CNTNAP2: variants seen among roughly 807,000 people sequenced by gnomAD.
The protein encoded by CNTNAP2 is contactin associated protein 2, also known as contactin-associated protein-like 2.
Under a neutral mutation model 155.2 loss-of-function variants are expected in CNTNAP2, and 98 were observed. The observed-to-expected ratio is 0.63, with a 90% CI of 0.54 to 0.75. The LOEUF is 0.75. Ranked by LOEUF, CNTNAP2 falls within the 30% of genes least tolerant of loss-of-function variation. The pLI is 0.00. For synonymous variants in CNTNAP2, 651 were observed against 631.2 expected (o/e 1.03, Z -0.47); for missense variants, 1,727 against 1,688.1 (o/e 1.02, Z -0.40).
chr7:147,306,510 T>A (rs1024647707), intron 9 of CNTNAP2, among the ~76,000 whole-genome samples: 14 of 152,204 alleles, frequency 9.2e-5, no homozygotes, highest in African/African-American at 3.1e-4. Flanking sequence ...CATGTCCATA[T>A]GCATAAGAGA....
chr7:147,862,237 A>G (rs6979497), intron 13 of CNTNAP2, among the ~76,000 whole-genome samples: 91,216 of 151,292 alleles, frequency 0.6, 27,794 homozygotes, highest in South Asian at 0.74. Flanking sequence ...TGATTACAGC[A>G]TTAGAGGTTT....
Position 147,116,840 on chromosome 7 carries a change from G to A in CNTNAP2, c.755-4139G>A, listed in dbSNP as rs893693291. Among the ~76,000 whole-genome samples, 5 of 152,006 alleles carry A rather than the reference G, an allele frequency of 3.3e-5. 1 individual carries two copies. In the Middle Eastern group the frequency reaches 0.017, roughly 521 times the overall value. The stretch of plus-strand genomic sequence containing the variant: ...GGGCTCTGCTTAAAGAAGCAGTCTG[G>A]CCATGATCTGGCAAAGCCACTGTGT... On this transcript the variant is annotated intron_variant, in intron 5 of 23. Coordinates refer to ENST00000361727, the MANE Select transcript of CNTNAP2 (RefSeq NM_014141.6).
At chr7:146,740,290 G>GTT (rs545373636) in intron 1 of CNTNAP2, among the ~76,000 whole-genome samples, 4 of 128,598 alleles carry the variant, frequency 3.1e-5, no homozygotes, top group African/African-American at 8.4e-5. Context: ...CAGGATTTCT[G>GTT]TTTTTTTTTT....
intron 15 of CNTNAP2, among the ~76,000 whole-genome samples, chr7:148,092,090 ATCAAATACACTC>A (rs1159509697): frequency 2.0e-5 from 3 of 152,332 alleles, no homozygotes; most frequent in Non-Finnish European, 4.4e-5. Context: ...TTAACTGAAG[ATCAAATACACTC>A]ATGTAAGGAA....
intron 3 of CNTNAP2, among the ~76,000 whole-genome samples, chr7:146,877,186 A>G (rs897796739): frequency 1.3e-5 from 2 of 152,134 alleles, no homozygotes; most frequent in African/African-American, 4.8e-5. Context: ...AAGGTAAAAC[A>G]TAATTTTTTC....
chr7:148,278,569 CA>C (rs34230909), intron 21 of CNTNAP2, among the ~76,000 whole-genome samples: 40,514 of 115,762 alleles, frequency 0.35, 6,260 homozygotes, highest in East Asian at 0.56. Flanking sequence ...GACTACATCT[CA>C]AAAAAAAAAA....
At chr7:146,388,685 A>C (rs1180642166) in intron 1 of CNTNAP2, among the ~76,000 whole-genome samples, 1 of 152,160 alleles carries the variant, frequency 6.6e-6, no homozygotes. Flanking sequence ...TTGTGCTATC[A>C]AATAGTAGGT....
At chr7:146,902,433 G>A (rs1796023244) in intron 3 of CNTNAP2, among the ~76,000 whole-genome samples, 1 of 152,078 alleles carries the variant, frequency 6.6e-6, no homozygotes, top group Non-Finnish European at 1.5e-5. Flanking sequence ...TATGACACTT[G>A]GGACAAAACT....
chr7:147,544,620 T>C, intron 11 of CNTNAP2, among the ~76,000 whole-genome samples: 1 of 151,972 alleles, frequency 6.6e-6, no homozygotes, highest in South Asian at 2.1e-4. Context: ...GTTGTCTTCT[T>C]TCTCTATTAA....
chr7:147,487,045 A>G (rs1347474465), intron 11 of CNTNAP2, among the ~76,000 whole-genome samples: 1 of 152,202 alleles, frequency 6.6e-6, no homozygotes, highest in Non-Finnish European at 1.5e-5. Flanking sequence ...AATGGTGACA[A>G]GCAAACTATC....
At chr7:146,269,828 A>G (rs994477175) in intron 1 of CNTNAP2, among the ~76,000 whole-genome samples, 1 of 152,226 alleles carries the variant, frequency 6.6e-6, no homozygotes, top group African/African-American at 2.4e-5. Context: ...TTGGCTTCAT[A>G]TTATGAAGGA....
chr7:148,023,443 A>G (rs1382785706), intron 15 of CNTNAP2, among the ~76,000 whole-genome samples: 4 of 152,166 alleles, frequency 2.6e-5, no homozygotes, highest in East Asian at 3.9e-4. Context: ...ATGAATCTCC[A>G]TGTTTCTTTT....
intron 3 of CNTNAP2, among the ~76,000 whole-genome samples, chr7:146,928,295 T>C (rs1329494738): frequency 6.6e-6 from 1 of 152,192 alleles, no homozygotes; most frequent in African/African-American, 2.4e-5. Flanking sequence ...TTACTAACAT[T>C]TCTCTAAACA....
chr7:146,148,721 A>T (rs1371593178), intron 1 of CNTNAP2, among the ~76,000 whole-genome samples: 1 of 152,194 alleles, frequency 6.6e-6, no homozygotes, highest in Non-Finnish European at 1.5e-5. Flanking sequence ...ATAATCACAA[A>T]ATAGTAATGT....
At chr7:147,162,362 A>G (rs1194324506) in intron 8 of CNTNAP2, among the ~76,000 whole-genome samples, 2 of 152,046 alleles carry the variant, frequency 1.3e-5, no homozygotes. Flanking sequence ...ACAGTACAAA[A>G]TTAAAAAAAG....
At chr7:147,456,512 AT>A (rs1443940653) in intron 10 of CNTNAP2, among the ~76,000 whole-genome samples, 3 of 152,056 alleles carry the variant, frequency 2.0e-5, no homozygotes, top group Non-Finnish European at 2.9e-5. Flanking sequence ...TAGTTTTTCA[AT>A]TTTTTTTCTT....
intron 1 of CNTNAP2, among the ~76,000 whole-genome samples, chr7:146,429,844 T>C (rs1370297354): frequency 6.6e-6 from 1 of 152,158 alleles, no homozygotes; most frequent in African/African-American, 2.4e-5. Context: ...TTCTATATGA[T>C]ATAGGATGTG....
At chr7:146,264,382 C>A (rs1799962882) in intron 1 of CNTNAP2, among the ~76,000 whole-genome samples, 2 of 151,644 alleles carry the variant, frequency 1.3e-5, no homozygotes, top group South Asian at 4.1e-4. Flanking sequence ...ACCAAGGAGG[C>A]AGAGGTTGCA....
At chr7:146,633,771 A>T (rs756206522) in intron 1 of CNTNAP2, among the ~76,000 whole-genome samples, 3 of 140,886 alleles carry the variant, frequency 2.1e-5, no homozygotes, top group Non-Finnish European at 3.0e-5. Context: ...CGGAGTCTGC[A>T]GTGAGCTTAG....
Sources: allele counts gnomAD v4.1 joint callset (sites outside exome capture counted in the v4.1 genomes callset), GRCh38; gene constraint gnomAD v4.1.1; transcripts MANE v1.5; gene names NCBI Gene and HGNC (gene_info 2026-07-23, HGNC 2026-07-21).